Variants in GRM4 observed in about 807,000 individuals in gnomAD.
GRM4 encodes the protein metabotropic glutamate receptor 4.
GRM4 carries 28 observed loss-of-function variants against 81.7 expected under a neutral mutation model. The observed-to-expected ratio is 0.34, with a 90% CI of 0.25 to 0.47. The LOEUF (loss-of-function observed/expected upper bound fraction) is 0.47. Among genes scored for constraint, GRM4 ranks in the 20% least tolerant of loss-of-function variants. The probability of loss-of-function intolerance (pLI) is 1.00; values close to 1 mark genes in which losing one functional copy is unlikely to be tolerated. For synonymous variants in GRM4, 488 were observed against 528.8 expected (o/e 0.92, Z 1.06); for missense variants, 948 against 1,290.0 (o/e 0.73, Z 4.06).
intron 2 of GRM4, among the ~76,000 whole-genome samples, chr6:34,098,347 G>C (rs537132751): frequency 5.9e-5 from 9 of 152,240 alleles, no homozygotes; most frequent in Admixed American, 2.6e-4. Context: ...GAGCTGCTCC[G>C]GCCCATGTTC....
intron 5 of GRM4, among the ~76,000 whole-genome samples, chr6:34,058,419 G>A (rs1766012273): frequency 6.6e-6 from 1 of 152,162 alleles, no homozygotes; most frequent in Admixed American, 6.5e-5. Flanking sequence ...TTGAAGGGAG[G>A]GAGGGCAGGG....
At position 34,035,015 on chromosome 6, in the gene GRM4, C is replaced by T. The variant is rs547275784; in HGVS notation, c.2442+653G>A. On this transcript the variant is annotated intron_variant, in intron 9 of 10. Coordinates refer to ENST00000538487, the MANE Select transcript of GRM4 (RefSeq NM_000841.4). This position sits in a 1 kb window ranked among gnomAD's most constrained non-coding sequence, Gnocchi z 6.6. The stretch of plus-strand genomic sequence containing the variant: ...GCCAAGGGAAGGAAAGGCCCTCTGC[C>T]AGCCCCTAGCCTTTAGGCTTCCAGG... 4.4e-4 allele frequency among the ~76,000 whole-genome samples: 67 copies of T among 152,338 alleles called. No individual in the cohort carries two copies. The highest frequency in any genetic ancestry group is 1.5e-3 in the African/African-American group (62 of 41,572).
chr6:34,076,173 G>C (rs1767301217), intron 3 of GRM4, among the ~76,000 whole-genome samples: 1 of 152,240 alleles, frequency 6.6e-6, no homozygotes. Context: ...CACATCCCTT[G>C]GAAGTGGAAA....
intron 2 of GRM4, among the ~76,000 whole-genome samples, chr6:34,126,130 G>T (rs1770012383): frequency 6.6e-6 from 1 of 152,204 alleles, no homozygotes; most frequent in African/African-American, 2.4e-5. Context: ...CTAGCTGGTG[G>T]TCAAGAAGCA....
rs1769372226 is a variant in GRM4 at position 34,111,295 on chromosome 6, CCA to C, written c.520-19198_520-19197del. Among the ~76,000 whole-genome samples the C allele has an allele frequency of 2.0e-5, 3 of 151,964 alleles. No individual in the cohort carries two copies. The highest frequency in any genetic ancestry group is 6.6e-5 in the Admixed American group (1 of 15,260). On this transcript the variant is annotated intron_variant, in intron 2 of 10. Coordinates refer to ENST00000538487, the MANE Select transcript of GRM4 (RefSeq NM_000841.4). This position sits in a 1 kb window ranked among gnomAD's most constrained non-coding sequence, Gnocchi z 5.1. Reference sequence around the variant, plus strand: ...AGAGCAGCAGCTCACACAGGTGTGCCCACACACATATGAGGAGCCACTCCTTG... The same window carrying C: ...AGAGCAGCAGCTCACACAGGTGTGCCCACACATATGAGGAGCCACTCCTTG...
rs1338286538 is a variant in GRM4 at position 34,089,387 on chromosome 6, TTC to T, written c.736+2494_736+2495del. Among the ~76,000 whole-genome samples the T allele has an allele frequency of 4.0e-5, 6 of 151,536 alleles. No homozygotes were observed. Among genetic ancestry groups the T allele is most frequent in the Non-Finnish European group, 7.4e-5 (5 of 67,876 alleles). On this transcript the variant is annotated intron_variant, in intron 3 of 10. Coordinates refer to ENST00000538487, the MANE Select transcript of GRM4 (RefSeq NM_000841.4). This position sits in a 1 kb window ranked among gnomAD's most constrained non-coding sequence, Gnocchi z 4.3. ...TGAAGTGCAGCTCTCTCTCTCTCTCTTCCTTTCTTTTCACCCACTAAAAGATG... is the reference window on the plus strand; with the variant it reads ...TGAAGTGCAGCTCTCTCTCTCTCTCTCTTTCTTTTCACCCACTAAAAGATG...
intron 6 of GRM4, among the ~76,000 whole-genome samples, chr6:34,041,820 T>A (rs1202839291): frequency 1.3e-5 from 2 of 152,216 alleles, no homozygotes; most frequent in Non-Finnish European, 2.9e-5. Context: ...AGATAACATA[T>A]TGAATAACAA....
intron 2 of GRM4, chr6:34,110,734 C>A (rs1769340746): frequency 6.6e-7 from 1 of 1,505,800 alleles, no homozygotes; most frequent in Admixed American, 2.2e-5. Context: ...GGGCTGGTAG[C>A]ACCTGCAGCC....
At position 34,080,165 on chromosome 6, in the gene GRM4, C is replaced by T. The variant is rs1436030651; in HGVS notation, c.736+11718G>A. 6.6e-6 allele frequency among the ~76,000 whole-genome samples: 1 copy of T among 152,240 alleles called. No individual in the cohort carries two copies. The highest frequency in any genetic ancestry group is 1.5e-5 in the Non-Finnish European group (1 of 68,050). On this transcript the variant is annotated intron_variant, in intron 3 of 10. Coordinates refer to ENST00000538487, the MANE Select transcript of GRM4 (RefSeq NM_000841.4). The surrounding 1 kb of genome is among the most constrained non-coding windows in gnomAD (Gnocchi z 5.4). The stretch of plus-strand genomic sequence containing the variant: ...CTGGGGCCCTCTTCCCACAGATCTC[C>T]ACCTGGCTAATGCCCTCGCTGCAGC...
intron 2 of GRM4, among the ~76,000 whole-genome samples, chr6:34,097,331 T>C (rs140662034): frequency 1.9e-4 from 29 of 152,100 alleles, no homozygotes; most frequent in Non-Finnish European, 3.5e-4. Context: ...GCAAAGGCCA[T>C]GTGTGCATGT....
intron 1 of GRM4, among the ~76,000 whole-genome samples, chr6:34,140,986 C>T (rs1404630621): frequency 1.3e-5 from 2 of 152,238 alleles, no homozygotes; most frequent in African/African-American, 4.8e-5. Flanking sequence ...GTGAGTGATA[C>T]CTGAGAAGCA....
At chr6:34,081,131 G>A (rs1270959168) in intron 3 of GRM4, among the ~76,000 whole-genome samples, 1 of 152,154 alleles carries the variant, frequency 6.6e-6, no homozygotes, top group Non-Finnish European at 1.5e-5. Flanking sequence ...TCCCACCTTC[G>A]AGCTCCAGAG....
At chr6:34,041,620 G>A (rs1307345276) in intron 6 of GRM4, among the ~76,000 whole-genome samples, 2 of 152,160 alleles carry the variant, frequency 1.3e-5, no homozygotes, top group African/African-American at 4.8e-5. Context: ...GCTGCCATGA[G>A]GCTTCCATGA....
chr6:34,086,043 C>T (rs1413466955), intron 3 of GRM4, among the ~76,000 whole-genome samples: 1 of 152,166 alleles, frequency 6.6e-6, no homozygotes, highest in African/African-American at 2.4e-5. Flanking sequence ...GGGAGAGGCA[C>T]GGAAGGAGGC....
intron 6 of GRM4, among the ~76,000 whole-genome samples, chr6:34,050,209 T>C (rs1335666983): frequency 6.6e-6 from 1 of 152,200 alleles, no homozygotes; most frequent in Non-Finnish European, 1.5e-5. Context: ...GTGCCTGGTG[T>C]GCCCTTTCCT....
At chr6:34,043,507 T>C (rs1013515829) in intron 6 of GRM4, among the ~76,000 whole-genome samples, 1 of 152,094 alleles carries the variant, frequency 6.6e-6, no homozygotes, top group African/African-American at 2.4e-5. Context: ...CCTCATCTCA[T>C]ATGGATGAGA....
In GRM4 at chr6:34,087,181, G is replaced by A. The variant is rs182453544; in HGVS notation, c.736+4702C>T. Among the ~76,000 whole-genome samples the A allele has an allele frequency of 6.9e-3, 1,047 of 151,938 alleles. 5 individuals carry two copies. Among genetic ancestry groups the A allele is most frequent in the Middle Eastern group, 0.041 (12 of 294 alleles). On this transcript the variant is annotated intron_variant, in intron 3 of 10. Transcript: ENST00000538487. ...CGCCTGTAATCCCAGCACTTTGGGA[G>A]GCCAAGGCGGGTGGATCACCTGAAG...
intron 5 of GRM4, among the ~76,000 whole-genome samples, chr6:34,057,010 A>C (rs995964346): frequency 1.3e-5 from 2 of 152,070 alleles, no homozygotes; most frequent in Non-Finnish European, 2.9e-5. Context: ...GGGAGTCCTG[A>C]GATTACAGCA....
In GRM4 at chr6:34,080,890, A is replaced by AC. The variant is rs746416014; in HGVS notation, c.736+10992_736+10993insG. On this transcript the variant is annotated intron_variant, in intron 3 of 10. Coordinates refer to ENST00000538487, the MANE Select transcript of GRM4 (RefSeq NM_000841.4). This position sits in a 1 kb window ranked among gnomAD's most constrained non-coding sequence, Gnocchi z 5.4. Reference sequence around the variant, plus strand: ...TACATATACACACACACACACACACAACCCTTACCATGCCAAGGTCTTCCA... The same window carrying AC: ...TACATATACACACACACACACACACACACCCTTACCATGCCAAGGTCTTCCA... Among the ~76,000 whole-genome samples the AC allele has an allele frequency of 4.2e-3, 624 of 149,420 alleles. 5 individuals carry two copies. The highest frequency in any genetic ancestry group is 0.014 in the African/African-American group (573 of 40,790).
Sources: allele counts gnomAD v4.1 joint callset (sites outside exome capture counted in the v4.1 genomes callset), GRCh38; gene constraint gnomAD v4.1.1; non-coding constraint Gnocchi (gnomAD v3.1); transcripts MANE v1.5; gene names NCBI Gene and HGNC (gene_info 2026-07-23, HGNC 2026-07-21).